Variants in ALK observed in about 807,000 individuals in gnomAD.
ALK encodes ALK tyrosine kinase receptor.
ALK carries 74 observed loss-of-function variants against 163.1 expected under a neutral mutation model. That is an observed-to-expected ratio of 0.45 (90% CI 0.38 to 0.55). ALK has a LOEUF of 0.55. Among genes scored for constraint, ALK ranks in the 20% least tolerant of loss-of-function variants. The pLI, the probability that ALK is intolerant of heterozygous loss-of-function variation, is 0.00. For missense variants in ALK, 2,063 were observed against 2,105.3 expected, an observed-to-expected ratio of 0.98 and a Z score of 0.39; for synonymous variants, 960 against 843.2, an observed-to-expected ratio of 1.14 and a Z score of -2.40.
chr2:29,825,310 G>T (rs1327331960), intron 1 of ALK, among the ~76,000 whole-genome samples: 1 of 152,182 alleles, frequency 6.6e-6, no homozygotes, highest in Non-Finnish European at 1.5e-5. Flanking sequence ...CATCATATAT[G>T]TATTAAGTGC....
intron 5 of ALK, among the ~76,000 whole-genome samples, chr2:29,332,340 C>G (rs1338811146): frequency 2.8e-5 from 4 of 143,778 alleles, no homozygotes; most frequent in Non-Finnish European, 6.0e-5. Flanking sequence ...TGAGGTCTCC[C>G]TCAACCTCCT....
intron 4 of ALK, among the ~76,000 whole-genome samples, chr2:29,510,503 GT>G (rs1187467852): frequency 6.6e-6 from 1 of 152,100 alleles, no homozygotes; most frequent in African/African-American, 2.4e-5. Flanking sequence ...TTGAGCCTTA[GT>G]TTTATTTGCT....
intron 1 of ALK, among the ~76,000 whole-genome samples, chr2:29,767,855 CAA>C (rs1680905848): frequency 1.3e-5 from 2 of 152,160 alleles, no homozygotes; most frequent in African/African-American, 4.8e-5. Flanking sequence ...ACAGGGATGT[CAA>C]ACAGGCAAGA....
At chr2:29,351,374 C>A (rs1212442255) in intron 5 of ALK, among the ~76,000 whole-genome samples, 2 of 152,152 alleles carry the variant, frequency 1.3e-5, no homozygotes, top group African/African-American at 4.8e-5. Flanking sequence ...GACAGGTCAG[C>A]AGGGATCACC....
At chr2:29,367,862 A>T (rs1159942756) in intron 5 of ALK, among the ~76,000 whole-genome samples, 1 of 152,230 alleles carries the variant, frequency 6.6e-6, no homozygotes, top group Non-Finnish European at 1.5e-5. Context: ...ATGTAAAGTG[A>T]TTAAATGAAT....
intron 1 of ALK, among the ~76,000 whole-genome samples, chr2:29,740,995 C>T (rs1680042789): frequency 6.6e-6 from 1 of 152,058 alleles, no homozygotes. Context: ...GAACAAGTCT[C>T]TGCCTCAGAA....
rs2148171136 is a variant in ALK at position 29,223,504 on chromosome 2, A to T, written c.3197T>A (p.Leu1066Gln). 6.2e-7 allele frequency: 1 copy of T among 1,614,002 alleles called. No individual in the cohort carries two copies. Among genetic ancestry groups the T allele is most frequent in the Non-Finnish European group, 8.5e-7 (1 of 1,180,030 alleles). The change falls in exon 20 of 29, where the codon CTG becomes CAG. Residue 1066 changes from leucine (L) to glutamine (Q), a missense_variant. Physicochemically the swap from Leu to Gln is moderately radical, Grantham distance 113. Around this residue, in one of 5 missense-constraint regions of ALK, gnomAD observed 575 missense variants for 626.6 expected, o/e 0.92. Transcript: ENST00000389048. Reference sequence around the variant, plus strand: ...CTGCAGCTCCATCTGCATGGCTTGCAGCTCCTGGTGCTTCCGGCGGTACAC... The same window carrying T: ...CTGCAGCTCCATCTGCATGGCTTGCTGCTCCTGGTGCTTCCGGCGGTACAC... ...MIVYRRKHQE[L>Q]QAMQMELQSP... is the part of the protein sequence containing the mutation.
At chr2:29,241,693 G>A (rs1028514878) in intron 12 of ALK, among the ~76,000 whole-genome samples, 1 of 152,102 alleles carries the variant, frequency 6.6e-6, no homozygotes, top group South Asian at 2.1e-4. Flanking sequence ...GAAGCTGAGG[G>A]CTGTAGGTTT....
At chr2:29,759,297 T>C (rs1473672942) in intron 1 of ALK, among the ~76,000 whole-genome samples, 1 of 152,208 alleles carries the variant, frequency 6.6e-6, no homozygotes, top group Admixed American at 6.5e-5. Context: ...GCTAACTGTA[T>C]GTTGGCTTGT....
At chr2:29,881,242 A>C (rs547480873) in intron 1 of ALK, among the ~76,000 whole-genome samples, 88 of 152,214 alleles carry the variant, frequency 5.8e-4, no homozygotes, top group Non-Finnish European at 1.1e-3. Context: ...TTCCAGGGCC[A>C]CTAAGTGAAC....
At chr2:29,388,890 A>G (rs1669094606) in intron 4 of ALK, among the ~76,000 whole-genome samples, 1 of 152,194 alleles carries the variant, frequency 6.6e-6, no homozygotes, top group African/African-American at 2.4e-5. Flanking sequence ...AACCCCAAGA[A>G]ATTATGTTAG....
chr2:29,422,733 C>G (rs74321680), intron 4 of ALK, among the ~76,000 whole-genome samples: 7,155 of 152,240 alleles, frequency 0.047, 230 homozygotes, highest in Non-Finnish European at 0.072. Context: ...TGAGAGTCCT[C>G]ATCTAAAGAA....
intron 1 of ALK, among the ~76,000 whole-genome samples, chr2:29,796,337 A>G (rs878855379): frequency 6.6e-6 from 1 of 152,152 alleles, no homozygotes; most frequent in Non-Finnish European, 1.5e-5. Flanking sequence ...TTAGCAGCCA[A>G]TTTCACTCTG....
intron 4 of ALK, among the ~76,000 whole-genome samples, chr2:29,458,458 G>A (rs559965131): frequency 2.0e-5 from 3 of 152,218 alleles, no homozygotes; most frequent in Admixed American, 6.5e-5. Context: ...AGGAGATGTC[G>A]CTAATCATTA....
intron 26 of ALK, among the ~76,000 whole-genome samples, chr2:29,203,485 CTT>C (rs1156462365): frequency 1.8e-3 from 59 of 32,530 alleles, no homozygotes; most frequent in Non-Finnish European, 2.6e-3. Context: ...GAGGATGTGC[CTT>C]TTTTTTTTTT....
At chr2:29,455,389 C>A (rs943462242) in intron 4 of ALK, among the ~76,000 whole-genome samples, 44 of 152,144 alleles carry the variant, frequency 2.9e-4, no homozygotes, top group African/African-American at 1.0e-3. Flanking sequence ...CAAGGTGGGG[C>A]CTGTGGTCTG....
chr2:29,227,661 C>T lies in ALK; in HGVS notation c.2827G>A (p.Ala943Thr). 1 of 1,613,890 alleles carries T rather than the reference C, an allele frequency of 6.2e-7. No homozygotes were observed. Among genetic ancestry groups the T allele is most frequent in the Non-Finnish European group, 8.5e-7 (1 of 1,180,000 alleles). ...TCCATTTCGGGGTCATTGTTTGAGG[C>T]TGCATTGCCGCCTGAGTAGCAAACC... is the stretch of plus-strand genomic sequence containing the variant. ...GGGGYIGGNA[A>T]SNNDPEMDGE... Residue 943 changes from alanine to threonine, a missense_variant, in exon 17 of 29, where the codon GCC becomes ACC. By Grantham distance (58) the Ala-to-Thr change is moderately conservative. Transcript: ENST00000389048. This position sits in a 1 kb window ranked among gnomAD's most constrained non-coding sequence, Gnocchi z 4.4.
intron 2 of ALK, among the ~76,000 whole-genome samples, chr2:29,696,739 G>A (rs1678576311): frequency 6.6e-6 from 1 of 151,784 alleles, no homozygotes; most frequent in African/African-American, 2.4e-5. Flanking sequence ...CGTATGAAGA[G>A]CATGTTCCTG....
At chr2:29,273,435 G>A (rs1320019099) in intron 11 of ALK, among the ~76,000 whole-genome samples, 4 of 152,228 alleles carry the variant, frequency 2.6e-5, no homozygotes, top group Admixed American at 2.6e-4. Context: ...AGGTGGTGGG[G>A]GAGTCATCGC....
Sources: allele counts gnomAD v4.1 joint callset (sites outside exome capture counted in the v4.1 genomes callset), GRCh38; gene constraint gnomAD v4.1.1; regional missense constraint gnomAD v4.1.1; non-coding constraint Gnocchi (gnomAD v3.1); transcripts MANE v1.5; gene names NCBI Gene and HGNC (gene_info 2026-07-23, HGNC 2026-07-21).